The following DIP2C variants were observed in gnomAD, a reference collection of about 807,000 sequenced individuals.
The protein encoded by DIP2C is DIP2 acetate--CoA ligase C (putative).
A neutral mutation model predicts 192.4 loss-of-function variants in DIP2C; 33 were observed. The observed-to-expected ratio is 0.17, with a 90% CI of 0.13 to 0.23. The LOEUF is 0.23. Among genes scored for constraint, DIP2C ranks in the 10% least tolerant of loss-of-function variants. The probability of loss-of-function intolerance (pLI) is 1.00; values close to 1 mark genes in which losing one functional copy is unlikely to be tolerated. For missense variants in DIP2C, 1,537 were observed against 2,110.1 expected, an observed-to-expected ratio of 0.73 and a Z score of 5.32; for synonymous variants, 979 against 864.1, an observed-to-expected ratio of 1.13 and a Z score of -2.33.
At chr10:535,076 T>C (rs942578848) in intron 1 of DIP2C, among the ~76,000 whole-genome samples, 12 of 152,166 alleles carry the variant, frequency 7.9e-5, no homozygotes, top group African/African-American at 2.7e-4. Flanking sequence ...GACCCCTCTC[T>C]CCCTGCAGGA....
intron 31 of DIP2C, among the ~76,000 whole-genome samples, chr10:326,768 A>C (rs1185110425): frequency 6.6e-6 from 1 of 152,178 alleles, no homozygotes; most frequent in Non-Finnish European, 1.5e-5. Context: ...CCTGTCACAA[A>C]AGTTAAAATG....
At chr10:458,211 T>A (rs1317972582) in intron 3 of DIP2C, among the ~76,000 whole-genome samples, 1 of 152,186 alleles carries the variant, frequency 6.6e-6, no homozygotes, top group South Asian at 2.1e-4. Flanking sequence ...GTAGGCCGCC[T>A]TCTCTCCTAG....
intron 2 of DIP2C, among the ~76,000 whole-genome samples, chr10:473,432 C>G (rs1205281819): frequency 6.6e-6 from 1 of 151,710 alleles, no homozygotes; most frequent in Non-Finnish European, 1.5e-5. Context: ...GCTCTGATAC[C>G]ACAGAAAGGA....
chr10:513,681 C>T (rs1846173250), intron 1 of DIP2C, among the ~76,000 whole-genome samples: 1 of 152,118 alleles, frequency 6.6e-6, no homozygotes, highest in African/African-American at 2.4e-5. Context: ...TGACCTCCAC[C>T]CCCACCCCAT....
At chr10:623,938 A>G (rs941777045) in intron 1 of DIP2C, among the ~76,000 whole-genome samples, 2 of 152,236 alleles carry the variant, frequency 1.3e-5, no homozygotes, top group African/African-American at 2.4e-5. Context: ...TTATACAGTC[A>G]TTAAAAATTC....
At chr10:674,789 T>TATATATATATATATATATAG in intron 1 of DIP2C, among the ~76,000 whole-genome samples, 58 of 62,478 alleles carry the variant, frequency 9.3e-4, no homozygotes, top group African/African-American at 1.1e-3. Context: ...TATATATATA[T>TATATATATATATATATATAG]AGAGAGAGAG....
rs755265952 is a variant in DIP2C, at chr10:364,364, C to T, written c.2477+10G>A. On this transcript the variant is annotated intron_variant, in intron 20 of 36. Coordinates refer to ENST00000280886, the MANE Select transcript of DIP2C (RefSeq NM_014974.3). ...GAAACCATATGCTTGATTTGCAGAA[C>T]GCCACTGACCTTCCCCGGTAGACAA... is the stretch of plus-strand genomic sequence containing the variant. 47 of 1,600,798 alleles carry T rather than the reference C, an allele frequency of 2.9e-5. No individual in the cohort carries two copies. Among genetic ancestry groups the T allele is most frequent in the African/African-American group, 1.2e-4 (9 of 74,646 alleles).
chr10:301,654 A>G (rs1363261391), intron 32 of DIP2C, among the ~76,000 whole-genome samples: 1 of 152,254 alleles, frequency 6.6e-6, no homozygotes, highest in Non-Finnish European at 1.5e-5. Flanking sequence ...AGACAAAAAT[A>G]TGGCAACAAG....
At chr10:499,534 G>A (rs1352026748) in intron 1 of DIP2C, among the ~76,000 whole-genome samples, 5 of 152,198 alleles carry the variant, frequency 3.3e-5, no homozygotes, top group African/African-American at 4.8e-5. Flanking sequence ...GGAGGTGTGC[G>A]AGGGGGAGGA....
At chr10:506,464 C>G (rs1845601595) in intron 1 of DIP2C, among the ~76,000 whole-genome samples, 1 of 152,126 alleles carries the variant, frequency 6.6e-6, no homozygotes, top group Non-Finnish European at 1.5e-5. Flanking sequence ...CATGTGGCTC[C>G]CACAGCTCAA....
intron 28 of DIP2C, among the ~76,000 whole-genome samples, chr10:344,309 G>A (rs1015920559): frequency 8.6e-5 from 13 of 151,432 alleles, no homozygotes; most frequent in African/African-American, 9.7e-5. Context: ...AGAACTGTGC[G>A]AGGTAAAGCC....
At chr10:424,354 G>GTTTTTTTTTTTT in intron 4 of DIP2C, among the ~76,000 whole-genome samples, 1 of 121,050 alleles carries the variant, frequency 8.3e-6, no homozygotes, top group Non-Finnish European at 1.6e-5. Flanking sequence ...TATCACCTTG[G>GTTTTTTTTTTTT]GTTTTTTTTT....
chr10:604,207 T>C (rs1447508997), intron 1 of DIP2C, among the ~76,000 whole-genome samples: 1 of 152,114 alleles, frequency 6.6e-6, no homozygotes, highest in African/African-American at 2.4e-5. Flanking sequence ...CAAAGCCTCT[T>C]TTGCCATGTA....
intron 9 of DIP2C, among the ~76,000 whole-genome samples, chr10:401,687 T>C (rs1273586739): frequency 1.3e-5 from 2 of 148,852 alleles, no homozygotes; most frequent in African/African-American, 4.9e-5. Context: ...AGCATTAGCA[T>C]TACTCTTCCT....
intron 31 of DIP2C, among the ~76,000 whole-genome samples, chr10:321,371 G>A (rs950361817): frequency 1.3e-5 from 2 of 152,234 alleles, no homozygotes; most frequent in African/African-American, 2.4e-5. Flanking sequence ...TGACCGTGAT[G>A]CCCTTGACAC....
intron 3 of DIP2C, among the ~76,000 whole-genome samples, chr10:452,600 GT>G (rs1279148059): frequency 6.6e-6 from 1 of 152,216 alleles, no homozygotes; most frequent in African/African-American, 2.4e-5. Context: ...ACAGCGCTTT[GT>G]CGAAAGACCT....
At chr10:296,221 C>T (rs568783619) in intron 32 of DIP2C, among the ~76,000 whole-genome samples, 1 of 152,178 alleles carries the variant, frequency 6.6e-6, no homozygotes, top group Non-Finnish European at 1.5e-5. Context: ...ATGATATTGC[C>T]TAGGTTTCCT....
intron 1 of DIP2C, among the ~76,000 whole-genome samples, chr10:640,121 GC>G (rs1239417060): frequency 1.3e-5 from 2 of 152,170 alleles, no homozygotes; most frequent in African/African-American, 4.8e-5. Context: ...ACGCCTGTGG[GC>G]CTGTGCCTGT....
In DIP2C at chr10:364,899, G is replaced by A. The variant is rs996107629; in HGVS notation, c.2269-317C>T. ...GCCAATCAGCAGTAACTGATTACTT[G>A]GTTTACAAAACCACAATGTAAAAGA... On this transcript the variant is annotated intron_variant, in intron 19 of 36. Transcript: ENST00000280886. 3.8e-5 allele frequency: 22 copies of A among 573,644 alleles called. 1 individual carries two copies. The highest frequency in any genetic ancestry group is 3.4e-4 in the South Asian group (22 of 65,096). 35.5% of individuals were successfully genotyped at this position (573,644 alleles called of 1,614,324 possible). A position where few individuals can be genotyped will look rare whatever the true frequency, so the allele number is the denominator to read the frequency against.
Sources: allele counts gnomAD v4.1 joint callset (sites outside exome capture counted in the v4.1 genomes callset), GRCh38; gene constraint gnomAD v4.1.1; transcripts MANE v1.5; gene names NCBI Gene and HGNC (gene_info 2026-07-23, HGNC 2026-07-21).